The following IQCE variants were observed in gnomAD, a reference collection of about 807,000 sequenced individuals.
IQCE encodes the protein IQ domain-containing protein E.
IQCE carries 115 observed loss-of-function variants against 96.0 expected under a neutral mutation model. That is an observed-to-expected ratio of 1.20 (90% confidence interval 1.03 to 1.40). The LOEUF is 1.40. IQCE is among the 40% of genes most tolerant of loss of function. The pLI is 0.00. For missense variants in IQCE, 1,041 were observed against 909.1 expected (o/e 1.15, Z -1.87); for synonymous variants, 412 against 371.2 (o/e 1.11, Z -1.26).
intron 15 of IQCE, among the ~76,000 whole-genome samples, chr7:2,593,988 A>G (rs1361658519): frequency 1.3e-5 from 2 of 152,240 alleles, no homozygotes; most frequent in South Asian, 2.1e-4. Flanking sequence ...GTGGCCGGGC[A>G]CAGTGGCTCA....
chr7:2,584,168 G>T, intron 10 of IQCE, 68 bp from the exon 11 acceptor site: 9 of 1,394,854 alleles, frequency 6.5e-6, no homozygotes, highest in Non-Finnish European at 9.2e-6. Flanking sequence ...TGTGATGTTG[G>T]TCTTTTCAGA....
chr7:2,597,081 G>C (rs868255463), intron 16 of IQCE: 10 of 471,172 alleles, frequency 2.1e-5, no homozygotes, highest in South Asian at 1.4e-4. Flanking sequence ...AGGCGGCAGG[G>C]TCGTGCGGAA....
chr7:2,586,956 C>G (rs528441127), intron 12 of IQCE, among the ~76,000 whole-genome samples: 1 of 152,228 alleles, frequency 6.6e-6, no homozygotes, highest in African/African-American at 2.4e-5. Flanking sequence ...TCCCGAGGCC[C>G]CCTGGCTTCT....
Position 2,572,694 on chromosome 7 carries a change from G to C in IQCE, c.394+368G>C, listed in dbSNP as rs569063095. The C allele has an allele frequency of 2.6e-5, 12 of 467,518 alleles. No individual in the cohort carries two copies. The East Asian group carries it at 6.6e-4, about 26-fold the overall frequency. 29.0% of individuals were successfully genotyped at this position (467,518 alleles called of 1,614,324 possible). A position where few individuals can be genotyped will look rare whatever the true frequency, so the allele number is the denominator to read the frequency against. Reference sequence around the variant, plus strand: ...CACCAAAGAGAATCAGCTTGTTTCTGTGTTTATGTTCCTGCCTAGTCTCTT... The same window carrying C: ...CACCAAAGAGAATCAGCTTGTTTCTCTGTTTATGTTCCTGCCTAGTCTCTT... On this transcript the variant is annotated intron_variant, in intron 5 of 21. Coordinates refer to ENST00000402050, the MANE Select transcript of IQCE (RefSeq NM_152558.5).
chr7:2,595,166 T>A (rs1157645228), intron 16 of IQCE, among the ~76,000 whole-genome samples, 190 bp downstream of exon 16: 1 of 152,236 alleles, frequency 6.6e-6, no homozygotes, highest in African/African-American at 2.4e-5. Flanking sequence ...TAATTGACTG[T>A]CAGCAAATTG....
intron 8 of IQCE, 92 bp from the exon 9 acceptor site, chr7:2,582,488 T>C (rs947949982): frequency 9.5e-5 from 95 of 1,001,976 alleles, no homozygotes; most frequent in Non-Finnish European, 1.4e-4. Context: ...GGAAGGACAG[T>C]GAGGTGTGCC....
chr7:2,590,243 G>A (rs975145473), intron 14 of IQCE, 137 bp downstream of exon 14: 2 of 684,216 alleles, frequency 2.9e-6, no homozygotes, highest in Admixed American at 5.9e-5. Context: ...GGCCCCGCCA[G>A]TGTCCCCACA....
intron 1 of IQCE, among the ~76,000 whole-genome samples, chr7:2,560,049 A>G (rs1446341067): frequency 6.6e-6 from 1 of 151,754 alleles, no homozygotes; most frequent in African/African-American, 2.4e-5. Context: ...AGTCCCAACT[A>G]CTCAGGAGGC....
chr7:2,607,225 C>T lies in IQCE; in HGVS notation c.1967C>T (p.Pro656Leu). 1 of 1,613,770 alleles carries T rather than the reference C, an allele frequency of 6.2e-7. No individual in the cohort carries two copies. The highest frequency in any genetic ancestry group is 1.1e-5 in the South Asian group (1 of 91,016). Residue 656 changes from proline (P) to leucine (L), a missense_variant and splice_region_variant, in exon 21 of 22, where the codon CCT becomes CTT. Physicochemically the swap from Pro to Leu is moderately conservative, Grantham distance 98. Coordinates refer to ENST00000402050, the MANE Select transcript of IQCE (RefSeq NM_152558.5). ...ASSPPFLAAL[P>L]DPSPSGPQAL... The stretch of plus-strand genomic sequence containing the variant: ...TCCCCACCCTTCCTCGCAGCTCTTC[C>T]TGGTAATTTCATTCATTTGGATTCT...
intron 1 of IQCE, among the ~76,000 whole-genome samples, 199 bp from the exon 2 acceptor site, chr7:2,566,916 TC>T (rs1041399793): frequency 1.1e-4 from 17 of 152,202 alleles, no homozygotes; most frequent in Admixed American, 2.6e-4. Context: ...TGTGTTTTGT[TC>T]CCCCCACCCA....
intron 21 of IQCE, among the ~76,000 whole-genome samples, chr7:2,609,256 C>T (rs1330097371): frequency 6.6e-6 from 1 of 151,796 alleles, no homozygotes; most frequent in Non-Finnish European, 1.5e-5. Context: ...GCGATCCGTG[C>T]CTTGCCCCCT....
At chr7:2,597,432 T>C (rs993085512) in intron 16 of IQCE, among the ~76,000 whole-genome samples, 1 of 152,166 alleles carries the variant, frequency 6.6e-6, no homozygotes, top group African/African-American at 2.4e-5. Flanking sequence ...ACACAGAAAA[T>C]GAAAAGCCAG....
Position 2,559,017 on chromosome 7 carries a change from C to T in IQCE, c.-165C>T. 2.7e-6 allele frequency: 1 copy of T among 364,448 alleles called. No individual in the cohort carries two copies. The highest frequency in any genetic ancestry group is 4.8e-5 in the Admixed American group (1 of 20,800). 22.6% of individuals were successfully genotyped at this position (364,448 alleles called of 1,614,324 possible). On this transcript the variant is annotated 5_prime_UTR_variant, in exon 1 of 22. Transcript: ENST00000402050. ...GTCGCCCCAGGGGGAACGCAGGTCG[C>T]TTACCCGGCTGGGTAGGTCGGCGGC...
At chr7:2,584,139 C>A (rs77591724) in intron 10 of IQCE, 97 bp from the exon 11 acceptor site, 5 of 1,072,734 alleles carry the variant, frequency 4.7e-6, no homozygotes, top group Non-Finnish European at 7.3e-6. Context: ...CGCTTCTGGC[C>A]GTAGGCAGCG....
At chr7:2,609,421 A>C (rs768935264) in intron 21 of IQCE, among the ~76,000 whole-genome samples, 8 of 151,216 alleles carry the variant, frequency 5.3e-5, no homozygotes, top group Non-Finnish European at 1.2e-4. Flanking sequence ...CTGGGGTTAC[A>C]GGCATGAGCC....
chr7:2,572,422 T>C, intron 5 of IQCE, 96 bp downstream of exon 5: 2 of 1,332,026 alleles, frequency 1.5e-6, no homozygotes, highest in Non-Finnish European at 2.0e-6. Flanking sequence ...GAGCAGGATT[T>C]CTGGCTTCGT....
chr7:2,609,804 C>T (rs1341116903), intron 21 of IQCE, among the ~76,000 whole-genome samples: 1 of 151,004 alleles, frequency 6.6e-6, no homozygotes. Context: ...GTAAGTTGGT[C>T]CTGAGGCTGG....
rs1168131591 is a variant in IQCE, at chr7:2,611,321, C to G, written c.*1159C>G. On this transcript the variant is annotated 3_prime_UTR_variant, in exon 22 of 22. Transcript: ENST00000402050. ...CTTCAGGGGCATCTAGACCCCTGCA[C>G]AGCCCAGGCCTGGTGTCTGCATTTC... The G allele has an allele frequency of 6.6e-6, 1 of 152,274 alleles. No individual in the cohort carries two copies. 9.4% of individuals were successfully genotyped at this position (152,274 alleles called of 1,614,324 possible).
At chr7:2,584,402 C>T (rs1583450161) in intron 11 of IQCE, 117 bp downstream of exon 11, 2 of 883,828 alleles carry the variant, frequency 2.3e-6, no homozygotes, top group Non-Finnish European at 3.9e-6. Context: ...CTTGGCAGTG[C>T]TGCCAACACT....
Sources: gnomAD v4.1 joint callset for allele counts (sites outside exome capture counted in the v4.1 genomes callset) on GRCh38, gnomAD v4.1.1 for gene constraint, MANE v1.5 for transcripts, NCBI Gene and HGNC (gene_info 2026-07-23, HGNC 2026-07-21) for gene names.